Variants in SH3RF3 observed in about 807,000 individuals in gnomAD.
SH3RF3 encodes the protein E3 ubiquitin-protein ligase SH3RF3.
Under a neutral mutation model 66.3 loss-of-function variants are expected in SH3RF3, and 29 were observed. The observed-to-expected ratio is 0.44, with a 90% CI of 0.33 to 0.60. The LOEUF (loss-of-function observed/expected upper bound fraction) is 0.60, where lower values mean the gene tolerates loss of function less well. Among genes scored for constraint, SH3RF3 ranks in the 20% least tolerant of loss-of-function variants. The pLI is 0.04. For synonymous variants in SH3RF3, 583 were observed against 532.0 expected, an observed-to-expected ratio of 1.10 and a Z score of -1.32; for missense variants, 1,194 against 1,190.9, an observed-to-expected ratio of 1.00 and a Z score of -0.04.
intron 3 of SH3RF3, among the ~76,000 whole-genome samples, chr2:109,394,954 T>A (rs1323357356): frequency 6.6e-6 from 1 of 152,240 alleles, no homozygotes; most frequent in Non-Finnish European, 1.5e-5. Flanking sequence ...GGCGAGGGCA[T>A]CCTGTGACCG....
intron 8 of SH3RF3, among the ~76,000 whole-genome samples, chr2:109,483,665 G>GTCTTTA (rs1346783477): frequency 1.3e-5 from 2 of 152,238 alleles, no homozygotes; most frequent in Admixed American, 6.5e-5. Context: ...AGTCAAGGCT[G>GTCTTTA]GACACACAAA....
chr2:109,475,809 CTG>C (rs1678666934), intron 8 of SH3RF3, among the ~76,000 whole-genome samples: 1 of 152,224 alleles, frequency 6.6e-6, no homozygotes, highest in Non-Finnish European at 1.5e-5. Flanking sequence ...GAAACAGTGA[CTG>C]AGTGTCAGCA....
intron 2 of SH3RF3, among the ~76,000 whole-genome samples, chr2:109,369,489 C>A: frequency 6.6e-6 from 1 of 152,170 alleles, no homozygotes; most frequent in East Asian, 1.9e-4. Flanking sequence ...ATGCTCTTTA[C>A]GTTTTTCTGG....
intron 1 of SH3RF3, among the ~76,000 whole-genome samples, chr2:109,330,329 T>C (rs968912360): frequency 6.6e-6 from 1 of 152,250 alleles, no homozygotes; most frequent in Non-Finnish European, 1.5e-5. Flanking sequence ...ATTCTTCTCT[T>C]GTGCCTATCT....
At chr2:109,446,118 C>T (rs551486771) in intron 7 of SH3RF3, among the ~76,000 whole-genome samples, 4 of 152,130 alleles carry the variant, frequency 2.6e-5, no homozygotes, top group African/African-American at 7.2e-5. Context: ...TTGGGGCACC[C>T]GGGGTGGGTG....
chr2:109,473,071 A>T (rs1344022038), intron 8 of SH3RF3, among the ~76,000 whole-genome samples: 2 of 152,246 alleles, frequency 1.3e-5, no homozygotes, highest in African/African-American at 4.8e-5. Context: ...AGCCTTTCAG[A>T]TGCGAGTCCC....
At chr2:109,246,934 C>T (rs1029909574) in intron 1 of SH3RF3, among the ~76,000 whole-genome samples, 1 of 152,196 alleles carries the variant, frequency 6.6e-6, no homozygotes, top group Non-Finnish European at 1.5e-5. Flanking sequence ...TGCTGCAGCT[C>T]AGCCTTGAGG....
chr2:109,275,787 C>G (rs7563645), intron 1 of SH3RF3, among the ~76,000 whole-genome samples: 54,674 of 152,004 alleles, frequency 0.36, 9,894 homozygotes, highest in South Asian at 0.41. Flanking sequence ...GTTTATGAAG[C>G]GAGGCACAGT....
intron 1 of SH3RF3, among the ~76,000 whole-genome samples, chr2:109,278,794 A>G (rs1680817716): frequency 6.6e-6 from 1 of 152,128 alleles, no homozygotes. Context: ...CTTCACCTGT[A>G]TCTTGTTTGT....
intron 1 of SH3RF3, among the ~76,000 whole-genome samples, chr2:109,315,080 GCA>G (rs1175908873): frequency 2.0e-5 from 3 of 152,226 alleles, no homozygotes; most frequent in African/African-American, 7.2e-5. Context: ...TTCCATCAGT[GCA>G]GAAAGTTCCA....
At chr2:109,437,826 G>C (rs1471896770) in intron 7 of SH3RF3, among the ~76,000 whole-genome samples, 1 of 152,222 alleles carries the variant, frequency 6.6e-6, no homozygotes, top group Non-Finnish European at 1.5e-5. Context: ...TGGTGGCTTA[G>C]TGTTGAGCTA....
chr2:109,219,719 G>A (rs1240018581), intron 1 of SH3RF3, among the ~76,000 whole-genome samples: 1 of 152,146 alleles, frequency 6.6e-6, no homozygotes, highest in Non-Finnish European at 1.5e-5. Flanking sequence ...AAATACTTGG[G>A]AATAAACTTG....
rs569094214 is a variant in SH3RF3, at chr2:109,486,384, C to T, written c.2149-4221C>T. Reference sequence around the variant, plus strand: ...AGACCCTCAGTGGTTCGGGTGCTCTCCCAAGGCAAGGCAGGTGGAGGTCTT... The same window carrying T: ...AGACCCTCAGTGGTTCGGGTGCTCTTCCAAGGCAAGGCAGGTGGAGGTCTT... On this transcript the variant is annotated intron_variant, in intron 8 of 9. Transcript: ENST00000309415. Among the ~76,000 whole-genome samples, 9 of 152,264 alleles carry T rather than the reference C, an allele frequency of 5.9e-5. 1 individual carries two copies. The South Asian group carries it at 1.9e-3, about 32-fold the overall frequency.
At chr2:109,338,185 G>A (rs1021475216) in intron 1 of SH3RF3, among the ~76,000 whole-genome samples, 1 of 152,144 alleles carries the variant, frequency 6.6e-6, no homozygotes, top group African/African-American at 2.4e-5. Flanking sequence ...AGTGTGCCAG[G>A]CACTGTTAGG....
intron 4 of SH3RF3, 100 bp downstream of exon 4, chr2:109,399,043 C>T (rs907215406): frequency 1.5e-5 from 20 of 1,290,824 alleles, no homozygotes; most frequent in African/African-American, 1.2e-4. Context: ...GCATGGAGGC[C>T]GCCCCAGAAC....
intron 1 of SH3RF3, among the ~76,000 whole-genome samples, chr2:109,252,839 A>G (rs9308811): frequency 0.24 from 36,895 of 152,074 alleles, 4,907 homozygotes; most frequent in East Asian, 0.46. Flanking sequence ...AGTGAAAAAC[A>G]CTGGTTATAT....
chr2:109,449,155 C>T lies in SH3RF3; in HGVS notation c.1829-15C>T. On this transcript the variant is annotated splice_polypyrimidine_tract_variant and intron_variant, in intron 7 of 9. Coordinates refer to ENST00000309415, the MANE Select transcript of SH3RF3 (RefSeq NM_001099289.3). Reference sequence around the variant, plus strand: ...CTAACCTTTCAACCTGCTGTCTCTCCAACCCCGTCTCCAGCTGCCCACTCT... The same window carrying T: ...CTAACCTTTCAACCTGCTGTCTCTCTAACCCCGTCTCCAGCTGCCCACTCT... The T allele has an allele frequency of 6.2e-7, 1 of 1,611,320 alleles. No homozygotes were observed.
At chr2:109,164,250 A>G (rs1019551861) in intron 1 of SH3RF3, among the ~76,000 whole-genome samples, 3 of 152,028 alleles carry the variant, frequency 2.0e-5, no homozygotes, top group Admixed American at 1.3e-4. Flanking sequence ...ATGACTGATC[A>G]TAACTCACTG....
intron 1 of SH3RF3, among the ~76,000 whole-genome samples, chr2:109,342,258 G>A (rs1682571283): frequency 6.6e-6 from 1 of 152,178 alleles, no homozygotes; most frequent in Non-Finnish European, 1.5e-5. Context: ...TGGGCAACAT[G>A]GACTGTGAAT....
Sources: gnomAD v4.1 joint callset for allele counts (sites outside exome capture counted in the v4.1 genomes callset) on GRCh38, gnomAD v4.1.1 for gene constraint, MANE v1.5 for transcripts, NCBI Gene and HGNC (gene_info 2026-07-23, HGNC 2026-07-21) for gene names.